ZFAT: variants seen among roughly 807,000 people sequenced by gnomAD.
ZFAT encodes the protein zinc finger protein ZFAT.
ZFAT carries 64 observed loss-of-function variants against 117.7 expected under a neutral mutation model. That is an observed-to-expected ratio of 0.54 (90% CI 0.44 to 0.67). The LOEUF (loss-of-function observed/expected upper bound fraction) is 0.67. Among genes scored for constraint, ZFAT ranks in the 30% least tolerant of loss-of-function variants. The pLI, the probability that ZFAT is intolerant of heterozygous loss-of-function variation, is 0.00. For synonymous variants in ZFAT, 679 were observed against 615.0 expected, an observed-to-expected ratio of 1.10 and a Z score of -1.54; for missense variants, 1,433 against 1,584.5, an observed-to-expected ratio of 0.90 and a Z score of 1.62.
chr8:134,774,157 G>A, the ZFAT span, among the ~76,000 whole-genome samples: 2 of 151,820 alleles, frequency 1.3e-5, no homozygotes, highest in South Asian at 4.2e-4. Context: ...CACCACGCTC[G>A]GCTAATTTTT....
chr8:134,565,687 C>A, intron 10 of ZFAT: 1 of 563,508 alleles, frequency 1.8e-6, no homozygotes, highest in Non-Finnish European at 3.2e-6. Flanking sequence ...TTCGATCAGG[C>A]TCCTAAAGAA....
intron 15 of ZFAT, among the ~76,000 whole-genome samples, chr8:134,493,739 C>G (rs1818224318): frequency 6.6e-6 from 1 of 152,164 alleles, no homozygotes; most frequent in Non-Finnish European, 1.5e-5. Flanking sequence ...TCTGCTGCCC[C>G]CTTCCCTCCC....
chr8:134,792,330 T>A, the ZFAT span: 1 of 152,196 alleles, frequency 6.6e-6, no homozygotes, highest in Non-Finnish European at 1.5e-5. Context: ...AAAGTATCAA[T>A]GATTTAACTG....
intron 11 of ZFAT, among the ~76,000 whole-genome samples, chr8:134,544,446 AT>A (rs34886415): frequency 6.0e-5 from 9 of 149,078 alleles, no homozygotes; most frequent in Admixed American, 5.3e-4. Context: ...TCTGGTTGAA[AT>A]TTTTTTTTAA....
intron 10 of ZFAT, among the ~76,000 whole-genome samples, chr8:134,569,310 A>G (rs1388283227): frequency 1.3e-5 from 2 of 152,176 alleles, no homozygotes; most frequent in Non-Finnish European, 2.9e-5. Context: ...ATATTTTCAA[A>G]TAAGTGGCAG....
chr8:134,551,906 T>C (rs1823197602), intron 11 of ZFAT, among the ~76,000 whole-genome samples: 2 of 152,266 alleles, frequency 1.3e-5, no homozygotes, highest in Non-Finnish European at 2.9e-5. Flanking sequence ...AAAAAGAGGT[T>C]ACACTAATTC....
At chr8:134,720,098 A>G in the ZFAT span, among the ~76,000 whole-genome samples, 1 of 152,254 alleles carries the variant, frequency 6.6e-6, no homozygotes, top group African/African-American at 2.4e-5. Flanking sequence ...CTCAAGCTAA[A>G]CTACCAGATG....
chr8:134,560,227 C>T (rs985974430), intron 11 of ZFAT, among the ~76,000 whole-genome samples: 1 of 151,938 alleles, frequency 6.6e-6, no homozygotes, highest in Admixed American at 6.6e-5. Context: ...CTGTTTTTCT[C>T]CTCTCACTCT....
intron 10 of ZFAT, among the ~76,000 whole-genome samples, chr8:134,581,741 T>C (rs1825725595): frequency 6.6e-6 from 1 of 152,146 alleles, no homozygotes; most frequent in African/African-American, 2.4e-5. Context: ...TGAGCCACCA[T>C]GCCCCGTTAA....
At chr8:134,497,801 G>A (rs1172205091) in intron 15 of ZFAT, among the ~76,000 whole-genome samples, 2 of 123,564 alleles carry the variant, frequency 1.6e-5, no homozygotes, top group African/African-American at 3.0e-5. Flanking sequence ...GGGTGGAGCC[G>A]GGATGCCCCA....
chr8:134,664,422 C>T (rs1832104525), intron 1 of ZFAT, among the ~76,000 whole-genome samples: 1 of 152,186 alleles, frequency 6.6e-6, no homozygotes, highest in African/African-American at 2.4e-5. Context: ...CAGGGCTGGC[C>T]CTGACAGTCA....
chr8:134,821,575 C>T, the ZFAT span, among the ~76,000 whole-genome samples: 1 of 151,854 alleles, frequency 6.6e-6, no homozygotes, highest in Non-Finnish European at 1.5e-5. Flanking sequence ...AATTTTTTCC[C>T]TCAGTTTGGC....
intron 1 of ZFAT, among the ~76,000 whole-genome samples, chr8:134,680,050 C>T (rs1832996459): frequency 6.6e-6 from 1 of 151,502 alleles, no homozygotes; most frequent in African/African-American, 2.4e-5. Context: ...ATGTAACAAA[C>T]CTGCATGTTC....
intron 3 of ZFAT, among the ~76,000 whole-genome samples, chr8:134,617,424 T>C (rs1402600641): frequency 6.6e-6 from 1 of 152,186 alleles, no homozygotes; most frequent in Non-Finnish European, 1.5e-5. Flanking sequence ...TAAATAAATA[T>C]ACAACATAAT....
the ZFAT span, among the ~76,000 whole-genome samples, chr8:134,763,475 C>T: frequency 1.1e-4 from 16 of 152,228 alleles, no homozygotes; most frequent in Non-Finnish European, 5.9e-5. Flanking sequence ...AAGACATACA[C>T]TTGACCTCCC....
chr8:134,748,560 C>A, the ZFAT span, among the ~76,000 whole-genome samples: 2 of 152,096 alleles, frequency 1.3e-5, no homozygotes, highest in Admixed American at 6.6e-5. Context: ...CTTTAGACAT[C>A]CTTTTACACT....
At chr8:134,558,650 T>C (rs540267817) in intron 11 of ZFAT, among the ~76,000 whole-genome samples, 1 of 152,314 alleles carries the variant, frequency 6.6e-6, no homozygotes, top group East Asian at 1.9e-4. Flanking sequence ...TAAACCACGA[T>C]CAGGCTGGGT....
chr8:134,751,256 A>G, the ZFAT span, among the ~76,000 whole-genome samples: 1 of 152,154 alleles, frequency 6.6e-6, no homozygotes, highest in East Asian at 1.9e-4. Flanking sequence ...TGGTCTGAAA[A>G]CAGGTTGCCA....
At chr8:134,670,677 G>A (rs6990889) in intron 1 of ZFAT, among the ~76,000 whole-genome samples, 136,714 of 152,190 alleles carry the variant, frequency 0.9, 61,322 homozygotes, top group African/African-American at 0.94. Flanking sequence ...ACACCCTAAC[G>A]TCACAATTAA....
Sources: allele counts gnomAD v4.1 joint callset (sites outside exome capture counted in the v4.1 genomes callset), GRCh38; gene constraint gnomAD v4.1.1; transcripts MANE v1.5; gene names NCBI Gene and HGNC (gene_info 2026-07-23, HGNC 2026-07-21).